The following CDIN1 variants were observed in gnomAD, a reference collection of about 807,000 sequenced individuals.
CDIN1 encodes CDAN1-interacting nuclease 1.
Under a neutral mutation model 45.3 loss-of-function variants are expected in CDIN1, and 33 were observed. That is an observed-to-expected ratio of 0.73 (90% CI 0.55 to 0.97). The LOEUF is 0.97. Among genes scored for constraint, CDIN1 ranks in the 50% least tolerant of loss-of-function variants. The pLI is 0.00. For synonymous variants in CDIN1, 118 were observed against 124.4 expected (o/e 0.95, Z 0.34); for missense variants, 303 against 339.4 (o/e 0.89, Z 0.84).
chr15:36,645,356 T>C, intron 3 of CDIN1, 69 bp downstream of exon 3: 2 of 1,257,598 alleles, frequency 1.6e-6, no homozygotes, highest in Non-Finnish European at 2.2e-6. Context: ...TATGAATAAG[T>C]TAGGTTATTA....
intron 5 of CDIN1, among the ~76,000 whole-genome samples, chr15:36,664,639 C>T (rs939300170): frequency 6.6e-5 from 10 of 152,182 alleles, no homozygotes; most frequent in Admixed American, 2.0e-4. Context: ...CTCTGCCTCC[C>T]GGGTTCACGC....
chr15:36,697,212 C>T, intron 7 of CDIN1, 111 bp from the exon 8 acceptor site: 1 of 819,386 alleles, frequency 1.2e-6, no homozygotes, highest in Non-Finnish European at 2.1e-6. Context: ...TTTCATTCCT[C>T]CAAGATGTGG....
At chr15:36,601,409 C>T (rs2038096883) in intron 1 of CDIN1, among the ~76,000 whole-genome samples, 1 of 152,144 alleles carries the variant, frequency 6.6e-6, no homozygotes, top group African/African-American at 2.4e-5. Flanking sequence ...ATACTTACCA[C>T]CCTTGACCAT....
At chr15:36,581,685 C>T (rs2037053335) in intron 1 of CDIN1, among the ~76,000 whole-genome samples, 1 of 152,052 alleles carries the variant, frequency 6.6e-6, no homozygotes, top group African/African-American at 2.4e-5. Flanking sequence ...CCAGATCAGA[C>T]TGGGCAACGT....
At chr15:36,643,607 C>T (rs1362887505) in intron 1 of CDIN1, among the ~76,000 whole-genome samples, 1 of 152,166 alleles carries the variant, frequency 6.6e-6, no homozygotes, top group East Asian at 1.9e-4. Flanking sequence ...AGGAAAATTC[C>T]CACTTGGGAA....
chr15:36,800,879 A>ATGTGTGTG (rs1163549097), intron 10 of CDIN1, among the ~76,000 whole-genome samples: 2 of 82,530 alleles, frequency 2.4e-5, no homozygotes, highest in African/African-American at 4.1e-5. Context: ...GTGTGTATAT[A>ATGTGTGTG]TGTGTGTGTG....
intron 1 of CDIN1, among the ~76,000 whole-genome samples, chr15:36,623,692 C>T (rs139984502): frequency 1.7e-4 from 26 of 152,324 alleles, no homozygotes; most frequent in African/African-American, 5.5e-4. Flanking sequence ...CCTCTGAACT[C>T]GACTTTCTGG....
chr15:36,769,095 C>T (rs550967488), intron 10 of CDIN1, among the ~76,000 whole-genome samples: 16 of 152,218 alleles, frequency 1.1e-4, no homozygotes, highest in African/African-American at 3.6e-4. Context: ...TATTATAAGC[C>T]CCACACACCC....
At chr15:36,738,715 C>T (rs538232524) in intron 10 of CDIN1, among the ~76,000 whole-genome samples, 29 of 152,186 alleles carry the variant, frequency 1.9e-4, no homozygotes, top group Admixed American at 1.8e-3. Flanking sequence ...TCTGACCCCC[C>T]CAACAGCCTA....
intron 10 of CDIN1, among the ~76,000 whole-genome samples, chr15:36,730,870 A>G (rs1351973230): frequency 6.6e-6 from 1 of 152,036 alleles, no homozygotes; most frequent in Non-Finnish European, 1.5e-5. Context: ...CTTTTTTCTA[A>G]TTTTTAGTAT....
chr15:36,653,476 C>T (rs2040654168), intron 3 of CDIN1, among the ~76,000 whole-genome samples: 1 of 151,978 alleles, frequency 6.6e-6, no homozygotes, highest in South Asian at 2.1e-4. Context: ...AAAAATCCCC[C>T]CAGCTTCCAT....
chr15:36,598,302 ATTATTAG>A (rs1239447496), intron 1 of CDIN1, among the ~76,000 whole-genome samples: 7 of 152,118 alleles, frequency 4.6e-5, no homozygotes, highest in African/African-American at 1.4e-4. Flanking sequence ...TGACTTAGTT[ATTATTAG>A]TTATTAGTTA....
chr15:36,722,799 C>A, intron 10 of CDIN1, among the ~76,000 whole-genome samples: 1 of 152,190 alleles, frequency 6.6e-6, no homozygotes, highest in East Asian at 1.9e-4. Context: ...GTCTCGTACT[C>A]TTCTCATAAA....
At chr15:36,798,097 G>A (rs1284747455) in intron 10 of CDIN1, among the ~76,000 whole-genome samples, 2 of 151,102 alleles carry the variant, frequency 1.3e-5, no homozygotes, top group Non-Finnish European at 2.9e-5. Flanking sequence ...TCTAGGGCAA[G>A]GGACTGTAGA....
intron 1 of CDIN1, among the ~76,000 whole-genome samples, chr15:36,596,258 C>T (rs1164601704): frequency 6.6e-6 from 1 of 151,978 alleles, no homozygotes; most frequent in East Asian, 1.9e-4. Flanking sequence ...CAAGCCCTCT[C>T]CCTAGGAGGA....
At chr15:36,756,326 A>T (rs1358210921) in intron 10 of CDIN1, among the ~76,000 whole-genome samples, 1 of 152,168 alleles carries the variant, frequency 6.6e-6, no homozygotes, top group Non-Finnish European at 1.5e-5. Context: ...ATTATTTTTC[A>T]ACTCCCTGTT....
At chr15:36,740,567 C>A (rs1471398843) in intron 10 of CDIN1, among the ~76,000 whole-genome samples, 3 of 152,114 alleles carry the variant, frequency 2.0e-5, no homozygotes, top group Non-Finnish European at 4.4e-5. Context: ...GGTCAAATCT[C>A]GTAATTCTTC....
At chr15:36,727,237 C>T (rs1205168709) in intron 10 of CDIN1, among the ~76,000 whole-genome samples, 2 of 150,422 alleles carry the variant, frequency 1.3e-5, no homozygotes, top group Non-Finnish European at 3.0e-5. Flanking sequence ...AGACAGAAGA[C>T]AACATCATAG....
intron 10 of CDIN1, among the ~76,000 whole-genome samples, chr15:36,764,971 C>G (rs917299795): frequency 3.3e-5 from 5 of 152,148 alleles, no homozygotes; most frequent in Non-Finnish European, 4.4e-5. Flanking sequence ...TAGTAGGAAT[C>G]TAGGTTCCTG....
Sources: gnomAD v4.1 joint callset for allele counts (sites outside exome capture counted in the v4.1 genomes callset) on GRCh38, gnomAD v4.1.1 for gene constraint, MANE v1.5 for transcripts, NCBI Gene and HGNC (gene_info 2026-07-23, HGNC 2026-07-21) for gene names.